VSTM2B: variants seen among roughly 807,000 people sequenced by gnomAD.
VSTM2B encodes V-set and transmembrane domain-containing protein 2B.
VSTM2B carries 24 observed loss-of-function variants against 24.0 expected under a neutral mutation model. The observed-to-expected ratio is 1.00, with a 90% CI of 0.72 to 1.40. The LOEUF (loss-of-function observed/expected upper bound fraction) is 1.40, where lower values mean the gene tolerates loss of function less well. Ranked by LOEUF, VSTM2B falls within the 40% of genes most tolerant of loss-of-function variation. VSTM2B has a pLI of 0.00. For missense variants in VSTM2B, 399 were observed against 416.4 expected (o/e 0.96, Z 0.36); for synonymous variants, 226 against 194.4 (o/e 1.16, Z -1.35).
At chr19:29,544,703 A>T (rs1340622033) in intron 4 of VSTM2B, among the ~76,000 whole-genome samples, 1 of 152,172 alleles carries the variant, frequency 6.6e-6, no homozygotes. Context: ...GGTGAGGTCA[A>T]GGTCACTCTT....
chr19:29,536,109 C>T (rs979957787), intron 4 of VSTM2B, among the ~76,000 whole-genome samples: 8 of 152,298 alleles, frequency 5.3e-5, no homozygotes, highest in East Asian at 1.9e-4. Flanking sequence ...CCATTATCAG[C>T]GACATGGCAT....
intron 4 of VSTM2B, among the ~76,000 whole-genome samples, chr19:29,549,339 C>A (rs1002802906): frequency 5.9e-5 from 9 of 152,140 alleles, no homozygotes; most frequent in African/African-American, 2.2e-4. Flanking sequence ...GGGGGAGTCC[C>A]AACGCTGCCC....
Position 29,528,584 on chromosome 19 carries a change from T to C in VSTM2B, c.297+122T>C. ...TGGGGCCGCGCAAGTAGGGCAGCGATCGCAGCCTTGCATCGGTGGCTGCTC... is the reference window on the plus strand; with the variant it reads ...TGGGGCCGCGCAAGTAGGGCAGCGACCGCAGCCTTGCATCGGTGGCTGCTC... On this transcript the variant is annotated intron_variant, in intron 3 of 4. Coordinates refer to ENST00000335523, the MANE Select transcript of VSTM2B (RefSeq NM_001146339.2). The C allele has an allele frequency of 1.6e-6, 2 of 1,254,452 alleles. 1 individual carries two copies. The highest frequency in any genetic ancestry group is 2.6e-5 in the South Asian group (2 of 75,512). The allele number at this position is 1,254,452 out of a possible 1,614,324, so 77.7% of individuals were successfully genotyped here.
chr19:29,557,781 T>C (rs958096987), intron 4 of VSTM2B, among the ~76,000 whole-genome samples: 5 of 150,916 alleles, frequency 3.3e-5, no homozygotes, highest in Non-Finnish European at 5.9e-5. Flanking sequence ...ATTTGGGACA[T>C]AGGCACAGGC....
chr19:29,537,164 A>G (rs1969909711), intron 4 of VSTM2B, among the ~76,000 whole-genome samples: 2 of 152,140 alleles, frequency 1.3e-5, no homozygotes, highest in Admixed American at 1.3e-4. Context: ...CAGCCCCTGT[A>G]ACTCTTGATT....
intron 4 of VSTM2B, among the ~76,000 whole-genome samples, chr19:29,544,559 G>GAAAAA (rs1970105515): frequency 8.3e-6 from 1 of 120,690 alleles, no homozygotes; most frequent in African/African-American, 3.2e-5. Context: ...AAAAAAAACT[G>GAAAAA]AATGTGCCAT....
At position 29,526,942 on chromosome 19, in the gene VSTM2B, G is replaced by T. The variant is rs1233373363; in HGVS notation, c.83-269G>T. Reference sequence around the variant, plus strand: ...AGGCGCGCCCCAGCCAGGCTCTGGCGGTGCGGCCAGGGGCGGGGGAGAAGC... The same window carrying T: ...AGGCGCGCCCCAGCCAGGCTCTGGCTGTGCGGCCAGGGGCGGGGGAGAAGC... On this transcript the variant is annotated intron_variant, in intron 1 of 4. Coordinates refer to ENST00000335523, the MANE Select transcript of VSTM2B (RefSeq NM_001146339.2). This position sits in a 1 kb window ranked among gnomAD's most constrained non-coding sequence, Gnocchi z 4.1. The T allele has an allele frequency of 2.1e-6, 1 of 465,496 alleles. No individual in the cohort carries two copies. Among genetic ancestry groups the T allele is most frequent in the Non-Finnish European group, 3.7e-6 (1 of 267,654 alleles). 28.8% of individuals were successfully genotyped at this position (465,496 alleles called of 1,614,324 possible). A position where few individuals can be genotyped will look rare whatever the true frequency, so the allele number is the denominator to read the frequency against.
rs989118731 is a variant in VSTM2B, at chr19:29,563,889, C to T, written c.813C>T (p.Leu271=). Residue 271 remains leucine, a synonymous_variant, in exon 5 of 5, where the codon CTC becomes CTT. Coordinates refer to ENST00000335523, the MANE Select transcript of VSTM2B (RefSeq NM_001146339.2). The stretch of plus-strand genomic sequence containing the variant: ...CCACAGACCCACTCTTGTCCCTGCT[C>T]CTGTTAGCTCTGCATAAGTTCCTGC... ...SYTTDPLLSL[L]LLALHKFLRL... 6 of 1,552,226 alleles carry T rather than the reference C, an allele frequency of 3.9e-6. No individual in the cohort carries two copies. The highest frequency in any genetic ancestry group is 1.4e-5 in the African/African-American group (1 of 73,040).
intron 4 of VSTM2B, among the ~76,000 whole-genome samples, chr19:29,555,403 G>A (rs1486113863): frequency 6.6e-6 from 1 of 152,190 alleles, no homozygotes; most frequent in Non-Finnish European, 1.5e-5. Context: ...CACAACTGAA[G>A]CAGTGTTAAG....
chr19:29,548,638 A>G (rs1461749493), intron 4 of VSTM2B, among the ~76,000 whole-genome samples: 5 of 152,024 alleles, frequency 3.3e-5, no homozygotes, highest in Non-Finnish European at 7.4e-5. Flanking sequence ...TCCAGGGGAG[A>G]GCTGGGAGCC....
chr19:29,530,230 G>T lies in VSTM2B; in HGVS notation c.709G>T (p.Ala237Ser). Residue 237 changes from alanine to serine, a missense_variant, in exon 4 of 5, where the codon GCC becomes TCC. Coordinates refer to ENST00000335523, the MANE Select transcript of VSTM2B (RefSeq NM_001146339.2). ...CACCACAGTCGCGGCAGCTGCTGCT[G>T]CCTCGTCAGCGTCGCCGCCATCGGG... ...PTTTVAAAAA[A>S]SSASPPSGQA... 3 of 1,503,858 alleles carry T rather than the reference G, an allele frequency of 2.0e-6. No homozygotes were observed. The highest frequency in any genetic ancestry group is 2.8e-5 in the East Asian group (1 of 36,356). The allele number at this position is 1,503,858 out of a possible 1,614,324, so 93.2% of individuals were successfully genotyped here.
chr19:29,546,270 C>T (rs1407177421), intron 4 of VSTM2B, among the ~76,000 whole-genome samples: 1 of 152,168 alleles, frequency 6.6e-6, no homozygotes, highest in Non-Finnish European at 1.5e-5. Context: ...TTACCTGGAG[C>T]TCAAGACACT....
chr19:29,528,233 C>T (rs569038652), intron 2 of VSTM2B, among the ~76,000 whole-genome samples, 200 bp from the exon 3 acceptor site: 16 of 152,342 alleles, frequency 1.1e-4, no homozygotes, highest in African/African-American at 3.1e-4. Context: ...GTTGGTCAGG[C>T]ACCATGCTAG....
At position 29,526,855 on chromosome 19, in the gene VSTM2B, G is replaced by A. The variant is rs899361504; in HGVS notation, c.82+190G>A. On this transcript the variant is annotated intron_variant, in intron 1 of 4. Coordinates refer to ENST00000335523, the MANE Select transcript of VSTM2B (RefSeq NM_001146339.2). The surrounding 1 kb of genome is among the most constrained non-coding windows in gnomAD (Gnocchi z 4.1). ...TCGCCGCAGCAGCAGCGCCGCGCCC[G>A]AGTCGTTCCCAGTCCCGCCGGGGCC... The A allele has an allele frequency of 5.6e-6, 3 of 534,606 alleles. No homozygotes were observed. The highest frequency in any genetic ancestry group is 3.4e-5 in the East Asian group (1 of 29,098). The allele number at this position is 534,606 out of a possible 1,614,324, so 33.1% of individuals were successfully genotyped here.
intron 4 of VSTM2B, among the ~76,000 whole-genome samples, chr19:29,559,146 T>C (rs1431941934): frequency 6.6e-6 from 1 of 152,164 alleles, no homozygotes; most frequent in African/African-American, 2.4e-5. Flanking sequence ...CATTCTACTA[T>C]AAAGACACAT....
intron 4 of VSTM2B, among the ~76,000 whole-genome samples, chr19:29,534,250 C>G (rs1339858394): frequency 2.0e-5 from 3 of 152,208 alleles, no homozygotes; most frequent in Non-Finnish European, 2.9e-5. Context: ...CCCACAGTCA[C>G]CCAGCAAGGA....
chr19:29,551,097 T>TG (rs1299074909), intron 4 of VSTM2B, among the ~76,000 whole-genome samples: 1 of 152,218 alleles, frequency 6.6e-6, no homozygotes, highest in Non-Finnish European at 1.5e-5. Context: ...CTGTGCAGGC[T>TG]GGTAAGCTGG....
chr19:29,561,756 C>A (rs8105995), intron 4 of VSTM2B, among the ~76,000 whole-genome samples: 12,541 of 152,212 alleles, frequency 0.082, 1,127 homozygotes, highest in African/African-American at 0.23. Context: ...CACACCCGAG[C>A]CTCAGGGAAC....
intron 4 of VSTM2B, among the ~76,000 whole-genome samples, chr19:29,534,570 G>A (rs1256370296): frequency 6.6e-6 from 1 of 152,126 alleles, no homozygotes; most frequent in Non-Finnish European, 1.5e-5. Flanking sequence ...CAAAAAATTA[G>A]CTGGGTGTGG....
Sources: gnomAD v4.1 joint callset for allele counts (sites outside exome capture counted in the v4.1 genomes callset) on GRCh38, gnomAD v4.1.1 for gene constraint, Gnocchi (gnomAD v3.1) non-coding constraint, MANE v1.5 for transcripts, NCBI Gene and HGNC (gene_info 2026-07-23, HGNC 2026-07-21) for gene names.